The following NAIF1 variants were observed in gnomAD, a reference collection of about 807,000 sequenced individuals.
NAIF1 encodes nuclear apoptosis-inducing factor 1.
In NAIF1, 14 loss-of-function variants were observed where a neutral mutation model predicts 20.7. The observed-to-expected ratio is 0.67, with a 90% confidence interval of 0.45 to 1.05. The LOEUF (loss-of-function observed/expected upper bound fraction) is 1.05. Ranked by LOEUF, NAIF1 falls within the 50% of genes least tolerant of loss-of-function variation. The pLI is 0.00. For synonymous variants in NAIF1, 191 were observed against 191.4 expected (o/e 1.00, Z 0.02); for missense variants, 362 against 448.8 (o/e 0.81, Z 1.75).
intron 1 of NAIF1, among the ~76,000 whole-genome samples, chr9:128,064,871 G>A (rs1040929958): frequency 2.8e-4 from 42 of 152,164 alleles, no homozygotes; most frequent in African/African-American, 8.9e-4. Flanking sequence ...GCATGGTGGC[G>A]CATGCCTGTA....
At position 128,066,805 on chromosome 9, in the gene NAIF1, A is replaced by G; in HGVS notation, c.297T>C (p.Thr99=). Residue 99 remains threonine, a synonymous_variant, in exon 1 of 2, where the codon ACT becomes ACC. Transcript: ENST00000373078. ...CAGGCCCCCCAGCTCCGTCCTCCTC[A>G]GTGGGCCCCGGCGCCTCACCACCCT... ...AVEGGEAPGP[T]EEDGAGGPGT... 6.2e-7 allele frequency: 1 copy of G among 1,610,964 alleles called. No individual in the cohort carries two copies. The highest frequency in any genetic ancestry group is 1.1e-5 in the South Asian group (1 of 91,016).
chr9:128,064,114 A>G (rs1588733858), intron 1 of NAIF1, among the ~76,000 whole-genome samples: 2 of 101,310 alleles, frequency 2.0e-5, no homozygotes, highest in African/African-American at 3.9e-5. Context: ...TTTGAGACGG[A>G]GTCTCGTTCT....
At chr9:128,065,201 C>T (rs1228166498) in intron 1 of NAIF1, among the ~76,000 whole-genome samples, 2 of 149,344 alleles carry the variant, frequency 1.3e-5, no homozygotes, top group African/African-American at 4.9e-5. Context: ...ACTGCAACTT[C>T]TGCCTCCCAG....
Position 128,064,032 on chromosome 9 carries a change from G to A in NAIF1, c.512-132C>T, listed in dbSNP as rs573360629. 1.2e-5 allele frequency: 8 copies of A among 651,596 alleles called. No homozygotes were observed. The South Asian group carries it at 1.4e-4, about 11-fold the overall frequency. 40.4% of individuals were successfully genotyped at this position (651,596 alleles called of 1,614,324 possible). On this transcript the variant is annotated intron_variant, in intron 1 of 1. Coordinates refer to ENST00000373078, the MANE Select transcript of NAIF1 (RefSeq NM_197956.4). ...TAAAGGGGAATCCAGGCCTCCCCTG[G>A]CTGCATAGCTATTCACATATAAATC...
chr9:128,063,769 G>T lies in NAIF1; in HGVS notation c.643C>A (p.Pro215Thr). ...MAQHADTSVK[P>T]QALKSRIALN... ...GCAATGCGGCTCTTGAGCGCTTGCG[G>T]CTTGACCGACGTGTCTGCATGCTGG... The change falls in exon 2 of 2, where the codon CCG becomes ACG. Residue 215 changes from proline (P) to threonine (T), a missense_variant. Transcript: ENST00000373078. This position sits in a 1 kb window ranked among gnomAD's most constrained non-coding sequence, Gnocchi z 4.3. 3.1e-6 allele frequency: 5 copies of T among 1,614,106 alleles called. No homozygotes were observed. The highest frequency in any genetic ancestry group is 4.2e-6 in the Non-Finnish European group (5 of 1,180,044).
Position 128,062,610 on chromosome 9 carries a change from A to G in NAIF1, c.*818T>C, listed in dbSNP as rs1260931524. The G allele has an allele frequency of 5.9e-5, 9 of 152,118 alleles. No homozygotes were observed. The highest frequency in any genetic ancestry group is 2.2e-4 in the African/African-American group (9 of 41,416). The allele number at this position is 152,118 out of a possible 1,614,324, so 9.4% of individuals were successfully genotyped here. ...AGCCTCCGCACAAAGCCAACAGGTC[A>G]CTCAGACCCACTGCAGTGGGGCAGC... On this transcript the variant is annotated 3_prime_UTR_variant, in exon 2 of 2. Coordinates refer to ENST00000373078, the MANE Select transcript of NAIF1 (RefSeq NM_197956.4).
At position 128,066,722 on chromosome 9, in the gene NAIF1, G is replaced by C; in HGVS notation, c.380C>G (p.Pro127Arg). 1 of 1,612,104 alleles carries C rather than the reference G, an allele frequency of 6.2e-7. No homozygotes were observed. The highest frequency in any genetic ancestry group is 8.5e-7 in the Non-Finnish European group (1 of 1,179,180). Residue 127 changes from proline (P) to arginine (R), a missense_variant, in exon 1 of 2, where the codon CCC (proline) becomes CGC (arginine). Transcript: ENST00000373078. The stretch of plus-strand genomic sequence containing the variant: ...CAGGTTGCAGATACGTTGTTGCATG[G>C]GGGTCAGCAGCACTGGGGCTACAGC... ...GPAVAPVLLT[P>R]MQQRICNLLG... is the part of the protein sequence containing the mutation.
rs1832722191 is a variant in NAIF1, at chr9:128,061,915, C to T, written c.*1513G>A. 6.6e-6 allele frequency: 1 copy of T among 152,210 alleles called. No individual in the cohort carries two copies. Among genetic ancestry groups the T allele is most frequent in the South Asian group, 2.1e-4 (1 of 4,834 alleles). The allele number at this position is 152,210 out of a possible 1,614,324, so 9.4% of individuals were successfully genotyped here. A position where few individuals can be genotyped will look rare whatever the true frequency, so the allele number is the denominator to read the frequency against. Reference sequence around the variant, plus strand: ...TGTAAAGATGGAACAGGGAACAGCACCTCCTTCAGCACTCCAAGGCTCTGC... The same window carrying T: ...TGTAAAGATGGAACAGGGAACAGCATCTCCTTCAGCACTCCAAGGCTCTGC... On this transcript the variant is annotated 3_prime_UTR_variant, in exon 2 of 2. Transcript: ENST00000373078.
At position 128,063,175 on chromosome 9, in the gene NAIF1, T is replaced by C. The variant is rs767912974; in HGVS notation, c.*253A>G. ...CGGGGTCATGACAACACATGTCCCA[T>C]CACATGCACACGTGACCCCCTGCTA... is the stretch of plus-strand genomic sequence containing the variant. On this transcript the variant is annotated 3_prime_UTR_variant, in exon 2 of 2. Coordinates refer to ENST00000373078, the MANE Select transcript of NAIF1 (RefSeq NM_197956.4). This position sits in a 1 kb window ranked among gnomAD's most constrained non-coding sequence, Gnocchi z 4.3. 3.8e-6 allele frequency: 2 copies of C among 530,338 alleles called. No homozygotes were observed. The highest frequency in any genetic ancestry group is 6.8e-6 in the Non-Finnish European group (2 of 293,108). 32.9% of individuals were successfully genotyped at this position (530,338 alleles called of 1,614,324 possible).
rs1832715625 is a variant in NAIF1 at position 128,061,394 on chromosome 9, T to C, written c.*2034A>G. The C allele has an allele frequency of 6.6e-6, 1 of 152,086 alleles. No homozygotes were observed. The highest frequency in any genetic ancestry group is 2.4e-5 in the African/African-American group (1 of 41,394). 9.4% of individuals were successfully genotyped at this position (152,086 alleles called of 1,614,324 possible). ...AAAACCAAACCAAGTCCTCAGGAAG[T>C]CCCTGCAGCGACCTTGCTGGGGCCA... On this transcript the variant is annotated 3_prime_UTR_variant, in exon 2 of 2. Coordinates refer to ENST00000373078, the MANE Select transcript of NAIF1 (RefSeq NM_197956.4).
In NAIF1 at chr9:128,067,064, G is replaced by A; in HGVS notation, c.38C>T (p.Ser13Leu). 1 of 1,609,018 alleles carries A rather than the reference G, an allele frequency of 6.2e-7. No individual in the cohort carries two copies. The highest frequency in any genetic ancestry group is 8.5e-7 in the Non-Finnish European group (1 of 1,175,938). ...VPAKKRKMNFSEREVEIIVEE... is the reference protein window; with the variant it reads ...VPAKKRKMNFLEREVEIIVEE... ...CACGATGATCTCCACCTCCCGCTCT[G>A]AGAAGTTCATCTTCCTTTTCTTGGC... The change falls in exon 1 of 2, where the codon TCA becomes TTA. Residue 13 changes from serine to leucine, a missense_variant. This residue lies in a region of NAIF1 where 51 missense variants were observed against 68.7 expected (regional missense o/e 0.74). Coordinates refer to ENST00000373078, the MANE Select transcript of NAIF1 (RefSeq NM_197956.4).
Position 128,061,803 on chromosome 9 carries a change from G to T in NAIF1, c.*1625C>A, listed in dbSNP as rs1424383849. On this transcript the variant is annotated 3_prime_UTR_variant, in exon 2 of 2. Coordinates refer to ENST00000373078, the MANE Select transcript of NAIF1 (RefSeq NM_197956.4). ...TGGGAAACGATCTGGGGAGATGCAA[G>T]GGCCTTGGTAATTGATGGTGAGTCT... 1 of 152,172 alleles carries T rather than the reference G, an allele frequency of 6.6e-6. No individual in the cohort carries two copies. Among genetic ancestry groups the T allele is most frequent in the Admixed American group, 6.6e-5 (1 of 15,260 alleles). 9.4% of individuals were successfully genotyped at this position (152,172 alleles called of 1,614,324 possible). A position where few individuals can be genotyped will look rare whatever the true frequency, so the allele number is the denominator to read the frequency against.
Position 128,063,125 on chromosome 9 carries a change from C to A in NAIF1, c.*303G>T, listed in dbSNP as rs920428045. On this transcript the variant is annotated 3_prime_UTR_variant, in exon 2 of 2. Coordinates refer to ENST00000373078, the MANE Select transcript of NAIF1 (RefSeq NM_197956.4). The surrounding 1 kb of genome is among the most constrained non-coding windows in gnomAD (Gnocchi z 4.3). ...TGTTGTTCCTTACAGTTGTCCAAGA[C>A]CAAGGCTGGGTCATGTCACAAGCCC... is the stretch of plus-strand genomic sequence containing the variant. The A allele has an allele frequency of 2.0e-5, 8 of 405,688 alleles. No homozygotes were observed. The highest frequency in any genetic ancestry group is 3.2e-5 in the Non-Finnish European group (7 of 219,264). 25.1% of individuals were successfully genotyped at this position (405,688 alleles called of 1,614,324 possible).
At position 128,063,188 on chromosome 9, in the gene NAIF1, T is replaced by C. The variant is rs1289516720; in HGVS notation, c.*240A>G. On this transcript the variant is annotated 3_prime_UTR_variant, in exon 2 of 2. Coordinates refer to ENST00000373078, the MANE Select transcript of NAIF1 (RefSeq NM_197956.4). The surrounding 1 kb of genome is among the most constrained non-coding windows in gnomAD (Gnocchi z 4.3). ...ACACATGTCCCATCACATGCACACG[T>C]GACCCCCTGCTAACCAATCTTCTGG... 2 of 557,758 alleles carry C rather than the reference T, an allele frequency of 3.6e-6. No homozygotes were observed. The highest frequency in any genetic ancestry group is 6.4e-6 in the Non-Finnish European group (2 of 310,274). 34.6% of individuals were successfully genotyped at this position (557,758 alleles called of 1,614,324 possible).
At chr9:128,066,524 A>C (rs1588735523) in intron 1 of NAIF1, 67 bp downstream of exon 1, 1 of 1,452,144 alleles carries the variant, frequency 6.9e-7, no homozygotes, top group East Asian at 2.4e-5. Context: ...AACCTTCCCC[A>C]GGCCACCCCA....
intron 1 of NAIF1, among the ~76,000 whole-genome samples, chr9:128,064,609 C>T (rs767322515): frequency 6.6e-6 from 1 of 152,118 alleles, no homozygotes; most frequent in Non-Finnish European, 1.5e-5. Context: ...TTGCTAAGGT[C>T]ACAGAGCTCA....
chr9:128,065,889 T>A (rs1427744024), intron 1 of NAIF1, among the ~76,000 whole-genome samples: 1 of 152,190 alleles, frequency 6.6e-6, no homozygotes, highest in Non-Finnish European at 1.5e-5. Context: ...AACGCCAATG[T>A]CAGCTATGTG....
intron 1 of NAIF1, among the ~76,000 whole-genome samples, chr9:128,064,634 G>A (rs1832757900): frequency 6.6e-6 from 1 of 152,108 alleles, no homozygotes; most frequent in Admixed American, 6.5e-5. Flanking sequence ...GCAGAGCCAA[G>A]AGGCAAACCC....
intron 1 of NAIF1, chr9:128,066,380 T>C (rs1832778378): frequency 2.2e-6 from 1 of 456,382 alleles, no homozygotes; most frequent in African/African-American, 2.0e-5. Context: ...TGGCGAGCTA[T>C]CCAGCACGTC....
Sources: gnomAD v4.1 joint callset for allele counts (sites outside exome capture counted in the v4.1 genomes callset) on GRCh38, gnomAD v4.1.1 for gene constraint, gnomAD v4.1.1 regional missense constraint, Gnocchi (gnomAD v3.1) non-coding constraint, MANE v1.5 for transcripts, NCBI Gene and HGNC (gene_info 2026-07-23, HGNC 2026-07-21) for gene names.